The following GALNT13 variants were observed in gnomAD, a reference collection of about 807,000 sequenced individuals.
The protein encoded by GALNT13 is UDP-GalNAc:polypeptide N-acetylgalactosaminyltransferase 13.
A neutral mutation model predicts 64.2 loss-of-function variants in GALNT13; 28 were observed. That is an observed-to-expected ratio of 0.44 (90% CI 0.32 to 0.60). The LOEUF is 0.60. Among genes scored for constraint, GALNT13 ranks in the 20% least tolerant of loss-of-function variants. The pLI, the probability that GALNT13 is intolerant of heterozygous loss-of-function variation, is 0.05. For synonymous variants in GALNT13, 214 were observed against 224.6 expected (o/e 0.95, Z 0.42); for missense variants, 577 against 669.8 (o/e 0.86, Z 1.53).
the GALNT13 span, among the ~76,000 whole-genome samples, chr2:153,417,892 G>C: frequency 5.1e-4 from 77 of 152,238 alleles, 1 homozygote; most frequent in Non-Finnish European, 1.0e-3. Context: ...ATAAATCACT[G>C]TAACAGTTAA....
intron 3 of GALNT13, among the ~76,000 whole-genome samples, chr2:154,135,099 A>T (rs1371010785): frequency 2.0e-5 from 3 of 152,192 alleles, no homozygotes; most frequent in Non-Finnish European, 4.4e-5. Context: ...TGTACAGATT[A>T]TTGCTGACTG....
chr2:153,903,011 T>A (rs1688334213), intron 2 of GALNT13, among the ~76,000 whole-genome samples: 2 of 152,058 alleles, frequency 1.3e-5, no homozygotes, highest in African/African-American at 4.8e-5. Context: ...CATATTTTGT[T>A]TACAGAGTTT....
the GALNT13 span, among the ~76,000 whole-genome samples, chr2:153,563,957 G>A: frequency 2.6e-5 from 4 of 151,992 alleles, no homozygotes; most frequent in African/African-American, 9.7e-5. Context: ...CCTCTGCATG[G>A]TTGAGGATTT....
chr2:153,241,352 G>A, the GALNT13 span, among the ~76,000 whole-genome samples: 1 of 152,186 alleles, frequency 6.6e-6, no homozygotes, highest in Non-Finnish European at 1.5e-5. Flanking sequence ...TGCTAAACAA[G>A]GTGACTAGTG....
intron 8 of GALNT13, among the ~76,000 whole-genome samples, chr2:154,291,262 G>T (rs1281809736): frequency 1.3e-5 from 2 of 152,066 alleles, no homozygotes; most frequent in Non-Finnish European, 2.9e-5. Context: ...CAATACTTTA[G>T]CTAGACACAA....
At chr2:153,332,285 T>A in the GALNT13 span, among the ~76,000 whole-genome samples, 1 of 152,180 alleles carries the variant, frequency 6.6e-6, no homozygotes, top group Non-Finnish European at 1.5e-5. Flanking sequence ...TAAAATAAGA[T>A]CTAACTTTTC....
intron 3 of GALNT13, among the ~76,000 whole-genome samples, chr2:154,083,852 G>T (rs1027651127): frequency 6.6e-6 from 1 of 151,954 alleles, no homozygotes; most frequent in Admixed American, 6.6e-5. Context: ...TGTGAATTGG[G>T]ATGATATGAC....
At chr2:153,668,999 G>C in the GALNT13 span, among the ~76,000 whole-genome samples, 1 of 152,160 alleles carries the variant, frequency 6.6e-6, no homozygotes, top group Non-Finnish European at 1.5e-5. Context: ...TGTCTGAATT[G>C]AGTGCCTTTC....
the GALNT13 span, among the ~76,000 whole-genome samples, chr2:153,805,437 G>A: frequency 6.6e-6 from 1 of 152,012 alleles, no homozygotes; most frequent in African/African-American, 2.4e-5. Flanking sequence ...CAAACTTTTT[G>A]TGACATGTAA....
chr2:153,813,615 C>T, the GALNT13 span, among the ~76,000 whole-genome samples: 1 of 152,050 alleles, frequency 6.6e-6, no homozygotes, highest in African/African-American at 2.4e-5. Context: ...TCCGGTCTGA[C>T]CTTACCTATC....
chr2:154,022,107 G>A lies in GALNT13; in HGVS notation c.142+77468G>A, dbSNP rs576616414. The stretch of plus-strand genomic sequence containing the variant: ...ATGTGCTGCTGGATTCGGTTTGCCA[G>A]TATTTTATTGAGGATTTTTGCATCG... On this transcript the variant is annotated intron_variant, in intron 3 of 12. Transcript: ENST00000392825. Among the ~76,000 whole-genome samples the A allele has an allele frequency of 3.5e-3, 530 of 152,284 alleles. 4 individuals carry two copies. The highest frequency in any genetic ancestry group is 0.012 in the African/African-American group (496 of 41,548).
chr2:154,445,720 T>C, intron 12 of GALNT13: 1 of 845,808 alleles, frequency 1.2e-6, no homozygotes, highest in Non-Finnish European at 1.7e-6. Flanking sequence ...TTTGTGTTCA[T>C]TAAGCTGCCT....
the GALNT13 span, among the ~76,000 whole-genome samples, chr2:153,156,873 G>A: frequency 5.2e-4 from 79 of 152,218 alleles, no homozygotes; most frequent in African/African-American, 1.9e-3. Flanking sequence ...GTTGTGCCAC[G>A]CTGACAGTAC....
At chr2:154,043,455 T>TATACACACAC (rs1341373277) in intron 3 of GALNT13, among the ~76,000 whole-genome samples, 13 of 104,984 alleles carry the variant, frequency 1.2e-4, no homozygotes, top group South Asian at 4.0e-4. Context: ...TATATATATA[T>TATACACACAC]ACACACATGT....
At chr2:153,659,915 C>T in the GALNT13 span, among the ~76,000 whole-genome samples, 1 of 152,138 alleles carries the variant, frequency 6.6e-6, no homozygotes, top group East Asian at 1.9e-4. Flanking sequence ...TTCTAATTGA[C>T]ATTTCAATAT....
the GALNT13 span, among the ~76,000 whole-genome samples, chr2:153,675,366 A>G: frequency 1.3e-5 from 2 of 152,250 alleles, no homozygotes; most frequent in African/African-American, 2.4e-5. Context: ...CTATGCAGCC[A>G]TAAAAAAGAT....
chr2:153,375,928 C>T, the GALNT13 span, among the ~76,000 whole-genome samples: 31 of 152,142 alleles, frequency 2.0e-4, no homozygotes, highest in Admixed American at 1.9e-3. Flanking sequence ...GTTGCTTCCA[C>T]GCATGGAGGA....
intron 3 of GALNT13, among the ~76,000 whole-genome samples, chr2:154,112,049 A>T (rs181781382): frequency 6.6e-6 from 1 of 152,336 alleles, no homozygotes; most frequent in East Asian, 1.9e-4. Flanking sequence ...AGGATAGGCA[A>T]ACCCATATCT....
At chr2:153,973,562 A>G (rs1398121462) in intron 3 of GALNT13, among the ~76,000 whole-genome samples, 2 of 151,988 alleles carry the variant, frequency 1.3e-5, no homozygotes, top group African/African-American at 4.8e-5. Context: ...TATAAAAATT[A>G]TAAAATTTTT....
Sources: allele counts gnomAD v4.1 joint callset (sites outside exome capture counted in the v4.1 genomes callset), GRCh38; gene constraint gnomAD v4.1.1; transcripts MANE v1.5; gene names NCBI Gene and HGNC (gene_info 2026-07-23, HGNC 2026-07-21).